Variants in SHISA9 observed in about 807,000 individuals in gnomAD.
SHISA9 encodes protein shisa-9.
A neutral mutation model predicts 38.0 loss-of-function variants in SHISA9; 13 were observed. The observed-to-expected ratio is 0.34, with a 90% CI of 0.22 to 0.54. SHISA9 has a LOEUF of 0.54. Among genes scored for constraint, SHISA9 ranks in the 20% least tolerant of loss-of-function variants. The probability of loss-of-function intolerance (pLI) is 0.91; values close to 1 mark genes in which losing one functional copy is unlikely to be tolerated. For synonymous variants in SHISA9, 275 were observed against 242.0 expected, an observed-to-expected ratio of 1.14 and a Z score of -1.27; for missense variants, 538 against 575.8, an observed-to-expected ratio of 0.93 and a Z score of 0.67.
At chr16:13,323,546 C>T in the SHISA9 span, among the ~76,000 whole-genome samples, 2 of 152,166 alleles carry the variant, frequency 1.3e-5, no homozygotes, top group Non-Finnish European at 1.5e-5. Flanking sequence ...TCCTTTCTCA[C>T]ACTACTATAA....
chr16:13,008,593 T>G (rs531023298), intron 2 of SHISA9, among the ~76,000 whole-genome samples: 10 of 151,134 alleles, frequency 6.6e-5, no homozygotes, highest in Non-Finnish European at 1.3e-4. Context: ...GGTCCGGTGC[T>G]TCCCCCTTTT....
At chr16:12,909,615 G>A (rs1322624144) in intron 1 of SHISA9, 6 of 985,080 alleles carry the variant, frequency 6.1e-6, no homozygotes, top group Non-Finnish European at 7.2e-6. Context: ...TGTGTGGCTG[G>A]TCCCTCCTCA....
chr16:13,258,090 T>C, the SHISA9 span, among the ~76,000 whole-genome samples: 1 of 152,234 alleles, frequency 6.6e-6, no homozygotes, highest in Non-Finnish European at 1.5e-5. Flanking sequence ...TGTAATTGTA[T>C]TCTTGACACC....
the SHISA9 span, among the ~76,000 whole-genome samples, chr16:13,533,666 C>T: frequency 2.0e-5 from 3 of 152,110 alleles, no homozygotes; most frequent in South Asian, 2.1e-4. Flanking sequence ...TTATGCAAAG[C>T]CCCTTCTTCT....
At chr16:13,106,113 G>A (rs889082696) in intron 2 of SHISA9, among the ~76,000 whole-genome samples, 1 of 152,136 alleles carries the variant, frequency 6.6e-6, no homozygotes, top group Non-Finnish European at 1.5e-5. Context: ...AGGTCACATA[G>A]CTAGTAAGTG....
chr16:13,534,318 G>A, the SHISA9 span, among the ~76,000 whole-genome samples: 1 of 149,910 alleles, frequency 6.7e-6, no homozygotes, highest in Non-Finnish European at 1.5e-5. Flanking sequence ...TTTACCTCCT[G>A]GGCTTAAGTG....
intron 2 of SHISA9, among the ~76,000 whole-genome samples, chr16:12,950,616 TG>T (rs1242996424): frequency 6.6e-6 from 1 of 151,824 alleles, no homozygotes; most frequent in African/African-American, 2.4e-5. Context: ...CCTTTTAATT[TG>T]TTTTTTTTTT....
At chr16:12,914,302 C>T (rs1416290069) in intron 1 of SHISA9, among the ~76,000 whole-genome samples, 2 of 151,986 alleles carry the variant, frequency 1.3e-5, no homozygotes, top group African/African-American at 4.8e-5. Context: ...CCTCGGCCTC[C>T]CAAAGTGCTG....
chr16:13,253,909 T>C, the SHISA9 span, among the ~76,000 whole-genome samples: 3 of 152,208 alleles, frequency 2.0e-5, no homozygotes, highest in African/African-American at 7.2e-5. Flanking sequence ...AGGTTACTTT[T>C]TTTTTCACTT....
chr16:13,260,684 A>T, the SHISA9 span, among the ~76,000 whole-genome samples: 2 of 152,222 alleles, frequency 1.3e-5, no homozygotes, highest in African/African-American at 4.8e-5. Flanking sequence ...AAACTCTCCC[A>T]CATTTTCCTG....
At chr16:13,017,352 G>A (rs972333042) in intron 2 of SHISA9, among the ~76,000 whole-genome samples, 1 of 152,144 alleles carries the variant, frequency 6.6e-6, no homozygotes, top group Non-Finnish European at 1.5e-5. Flanking sequence ...TTGGGATTCT[G>A]TGCAATGCAT....
chr16:12,957,622 T>A (rs912780578), intron 2 of SHISA9, among the ~76,000 whole-genome samples: 1 of 152,116 alleles, frequency 6.6e-6, no homozygotes, highest in Non-Finnish European at 1.5e-5. Flanking sequence ...TAGGATCACA[T>A]TGAGGGGTAG....
intron 2 of SHISA9, 22 bp from the exon 3 acceptor site, chr16:13,203,372 C>G (rs1223782260): frequency 6.6e-7 from 1 of 1,510,794 alleles, no homozygotes; most frequent in African/African-American, 1.4e-5. Context: ...GTGACAATCT[C>G]CTTCTGTGTC....
chr16:13,161,528 A>G (rs1233274065), intron 2 of SHISA9, among the ~76,000 whole-genome samples: 1 of 152,150 alleles, frequency 6.6e-6, no homozygotes, highest in Admixed American at 6.5e-5. Context: ...GTCCCCCTAC[A>G]GCTAAAATGC....
intron 4 of SHISA9, among the ~76,000 whole-genome samples, chr16:13,232,337 AAAAC>A (rs1253907482): frequency 1.3e-5 from 2 of 152,236 alleles, no homozygotes; most frequent in Non-Finnish European, 1.5e-5. Flanking sequence ...TGTCAAATGA[AAAAC>A]AAATAAGAAA....
chr16:13,242,197 G>A (rs2051440278), downstream of SHISA9, among the ~76,000 whole-genome samples: 1 of 152,176 alleles, frequency 6.6e-6, no homozygotes, highest in Non-Finnish European at 1.5e-5. Context: ...GGTAGAACTG[G>A]GATTTGAACT....
the SHISA9 span, among the ~76,000 whole-genome samples, chr16:13,261,156 C>T: frequency 2.0e-5 from 3 of 152,128 alleles, no homozygotes; most frequent in South Asian, 2.1e-4. Flanking sequence ...GGACACAAAC[C>T]GTATCAAATG....
chr16:13,268,651 A>G, the SHISA9 span, among the ~76,000 whole-genome samples: 28 of 152,140 alleles, frequency 1.8e-4, no homozygotes, highest in Non-Finnish European at 2.6e-4. Context: ...CTCATCCTCA[A>G]TGTGAGCGTA....
the SHISA9 span, among the ~76,000 whole-genome samples, chr16:13,469,201 C>G: frequency 6.7e-6 from 1 of 148,814 alleles, no homozygotes; most frequent in Non-Finnish European, 1.5e-5. Context: ...GAGATCATGC[C>G]ACTGCACTCC....
Sources: allele counts gnomAD v4.1 joint callset (sites outside exome capture counted in the v4.1 genomes callset), GRCh38; gene constraint gnomAD v4.1.1; transcripts MANE v1.5; gene names NCBI Gene and HGNC (gene_info 2026-07-23, HGNC 2026-07-21).